The following KIAA1958 variants were observed in gnomAD, a reference collection of about 807,000 sequenced individuals.
The protein encoded by KIAA1958 is KIAA1958.
KIAA1958 carries 14 observed loss-of-function variants against 47.2 expected under a neutral mutation model. That is an observed-to-expected ratio of 0.30 (90% CI 0.20 to 0.46). The LOEUF is 0.46. KIAA1958 is among the 20% of genes least tolerant of loss of function. The pLI, the probability that KIAA1958 is intolerant of heterozygous loss-of-function variation, is 1.00. For synonymous variants in KIAA1958, 354 were observed against 353.3 expected, an observed-to-expected ratio of 1.00 and a Z score of -0.02; for missense variants, 803 against 909.2, an observed-to-expected ratio of 0.88 and a Z score of 1.50.
intron 1 of KIAA1958, among the ~76,000 whole-genome samples, chr9:112,571,572 C>G (rs965964293): frequency 3.3e-5 from 5 of 152,052 alleles, no homozygotes; most frequent in African/African-American, 9.7e-5. Context: ...AATTTGGACT[C>G]TCTGTGAGGA....
At chr9:112,521,510 G>A (rs1333198299) in intron 1 of KIAA1958, among the ~76,000 whole-genome samples, 1 of 152,074 alleles carries the variant, frequency 6.6e-6, no homozygotes, top group Non-Finnish European at 1.5e-5. Flanking sequence ...TACCATGCCA[G>A]GCCCTCTGAA....
chr9:112,489,660 T>G (rs991865870), intron 1 of KIAA1958, among the ~76,000 whole-genome samples: 2 of 152,136 alleles, frequency 1.3e-5, no homozygotes, highest in Admixed American at 6.5e-5. Flanking sequence ...TGAAATTTTT[T>G]TCATTTATTT....
chr9:112,491,975 T>C (rs1158469134), intron 1 of KIAA1958, among the ~76,000 whole-genome samples: 1 of 152,244 alleles, frequency 6.6e-6, no homozygotes, highest in African/African-American at 2.4e-5. Context: ...TTAAAAATAT[T>C]TTCCTTGCAT....
chr9:112,587,451 A>C lies in KIAA1958; in HGVS notation c.1171+12200A>C, dbSNP rs144052789. Among the ~76,000 whole-genome samples, 534 of 152,340 alleles carry C rather than the reference A, an allele frequency of 3.5e-3. 5 individuals carry two copies. The highest frequency in any genetic ancestry group is 0.012 in the African/African-American group (508 of 41,584). On this transcript the variant is annotated intron_variant, in intron 2 of 3. Transcript: ENST00000337530. ...AGGCATGAGCTACTGCGCCTGGCCC[A>C]GAAGTATTTTTAGAGCATGGCAAAA...
Position 112,618,262 on chromosome 9 carries a change from C to G in KIAA1958, c.1172-27388C>G. The G allele has an allele frequency of 6.4e-7, 1 of 1,550,852 alleles. No individual in the cohort carries two copies. Among genetic ancestry groups the G allele is most frequent in the Non-Finnish European group, 8.7e-7 (1 of 1,147,046 alleles). ...AGCCACACAAGTCCATGAAGCTCAC[C>G]TTTGCTGACGAGCTCATCCTGCGGA... On this transcript the variant is annotated intron_variant, in intron 2 of 3. Transcript: ENST00000337530. The surrounding 1 kb of genome is among the most constrained non-coding windows in gnomAD (Gnocchi z 7.1).
At chr9:112,527,967 GT>G (rs1834688512) in intron 1 of KIAA1958, among the ~76,000 whole-genome samples, 1 of 150,738 alleles carries the variant, frequency 6.6e-6, no homozygotes, top group Non-Finnish European at 1.5e-5. Flanking sequence ...AAGAAAATGA[GT>G]TAAAAGGCCT....
intron 2 of KIAA1958, among the ~76,000 whole-genome samples, chr9:112,613,275 T>A (rs1836358099): frequency 6.6e-6 from 1 of 152,186 alleles, no homozygotes; most frequent in Non-Finnish European, 1.5e-5. Flanking sequence ...AAAAAAATCT[T>A]AATTTCTATC....
intron 2 of KIAA1958, among the ~76,000 whole-genome samples, chr9:112,633,063 G>C (rs947040375): frequency 1.3e-5 from 2 of 151,940 alleles, no homozygotes; most frequent in Non-Finnish European, 2.9e-5. Flanking sequence ...ATTTGAATTA[G>C]AGTCTTTATT....
chr9:112,632,905 A>G (rs1235500501), intron 2 of KIAA1958, among the ~76,000 whole-genome samples: 1 of 106,966 alleles, frequency 9.3e-6, no homozygotes, highest in Non-Finnish European at 1.9e-5. Context: ...TTATGGAAAC[A>G]GCCTTTTTTT....
chr9:112,651,860 T>A (rs1210050185), intron 3 of KIAA1958, among the ~76,000 whole-genome samples: 1 of 152,178 alleles, frequency 6.6e-6, no homozygotes, highest in Non-Finnish European at 1.5e-5. Flanking sequence ...AATTTGTGAG[T>A]TGTAGCTAAA....
chr9:112,540,498 T>A (rs1344619937), intron 1 of KIAA1958, among the ~76,000 whole-genome samples: 3 of 152,200 alleles, frequency 2.0e-5, no homozygotes, highest in African/African-American at 7.2e-5. Context: ...TATCTGTGTT[T>A]GATAGTAATA....
chr9:112,491,853 C>G (rs1204969040), intron 1 of KIAA1958, among the ~76,000 whole-genome samples: 1 of 151,946 alleles, frequency 6.6e-6, no homozygotes, highest in Non-Finnish European at 1.5e-5. Context: ...TCTTTTTATT[C>G]TTGGTTTTCT....
At chr9:112,487,503 G>A (rs1314513118) in intron 1 of KIAA1958, among the ~76,000 whole-genome samples, 1 of 152,130 alleles carries the variant, frequency 6.6e-6, no homozygotes, top group Non-Finnish European at 1.5e-5. Context: ...GAAGGAGGGC[G>A]GGAAGGAGGA....
chr9:112,499,959 A>G (rs1055797710), intron 1 of KIAA1958, among the ~76,000 whole-genome samples: 5 of 151,950 alleles, frequency 3.3e-5, no homozygotes, highest in Non-Finnish European at 5.9e-5. Context: ...AAATGTTGGG[A>G]TTACAGGCGT....
chr9:112,549,973 C>A (rs1835113224), intron 1 of KIAA1958, among the ~76,000 whole-genome samples: 1 of 152,158 alleles, frequency 6.6e-6, no homozygotes, highest in Non-Finnish European at 1.5e-5. Context: ...AGGTGTTTTG[C>A]CAGCCAAAGA....
At chr9:112,581,910 C>A in intron 2 of KIAA1958, 1 of 231,580 alleles carries the variant, frequency 4.3e-6, no homozygotes. Context: ...CAACTCTTCC[C>A]TGACATGCTA....
intron 1 of KIAA1958, among the ~76,000 whole-genome samples, chr9:112,531,382 C>A (rs1168095242): frequency 6.6e-6 from 1 of 152,016 alleles, no homozygotes; most frequent in Non-Finnish European, 1.5e-5. Flanking sequence ...GAGTAAACTC[C>A]ATCTCAAAAA....
chr9:112,611,138 G>A (rs1312562358), intron 2 of KIAA1958, among the ~76,000 whole-genome samples: 1 of 152,010 alleles, frequency 6.6e-6, no homozygotes, highest in Non-Finnish European at 1.5e-5. Context: ...GTTCTTTAAA[G>A]TAAAACGCTG....
At chr9:112,567,699 C>T (rs1397672520) in intron 1 of KIAA1958, among the ~76,000 whole-genome samples, 1 of 152,126 alleles carries the variant, frequency 6.6e-6, no homozygotes, top group Non-Finnish European at 1.5e-5. Flanking sequence ...TGGCTGACAC[C>T]TGTAATCCCA....
Sources: allele counts gnomAD v4.1 joint callset (sites outside exome capture counted in the v4.1 genomes callset), GRCh38; gene constraint gnomAD v4.1.1; non-coding constraint Gnocchi (gnomAD v3.1); transcripts MANE v1.5; gene names NCBI Gene and HGNC (gene_info 2026-07-23, HGNC 2026-07-21).